The following DIP2A variants were observed in gnomAD, a reference collection of about 807,000 sequenced individuals.
The protein encoded by DIP2A is DIP2 acetate--CoA ligase A, also known as disco-interacting protein 2 homolog A.
DIP2A carries 85 observed loss-of-function variants against 177.4 expected under a neutral mutation model. The ratio of observed to expected loss-of-function variants is 0.48; its 90% CI spans 0.40 to 0.57. The LOEUF (loss-of-function observed/expected upper bound fraction) is 0.57, where lower values mean the gene tolerates loss of function less well. Ranked by LOEUF, DIP2A falls within the 20% of genes least tolerant of loss-of-function variation. The pLI is 0.00. For synonymous variants in DIP2A, 886 were observed against 881.8 expected (o/e 1.00, Z -0.08); for missense variants, 1,791 against 2,100.2 (o/e 0.85, Z 2.88).
At chr21:46,477,573 C>A (rs74677435) in intron 1 of DIP2A, among the ~76,000 whole-genome samples, 3,349 of 77,374 alleles carry the variant, frequency 0.043, 87 homozygotes, top group Middle Eastern at 0.08. Context: ...GTGTGTATTT[C>A]TTTTTTTTTT....
At position 46,560,706 on chromosome 21, in the gene DIP2A, G is replaced by T. The variant is rs1202071153; in HGVS notation, c.3970-16G>T. 2.5e-6 allele frequency: 4 copies of T among 1,602,894 alleles called. No individual in the cohort carries two copies. The highest frequency in any genetic ancestry group is 3.4e-6 in the Non-Finnish European group (4 of 1,175,090). On this transcript the variant is annotated splice_polypyrimidine_tract_variant and intron_variant, in intron 32 of 37. Coordinates refer to ENST00000417564, the MANE Select transcript of DIP2A (RefSeq NM_015151.4). ...GAGGCCCCTGAACAGAAGTTCCTCT[G>T]CTGCTCTCCTTCCAGGGCACAGCTG...
intron 32 of DIP2A, 69 bp downstream of exon 32, chr21:46,558,462 G>C (rs2060550149): frequency 6.7e-7 from 1 of 1,487,922 alleles, no homozygotes; most frequent in South Asian, 1.2e-5. Context: ...TTTCCCAGTT[G>C]TTAATGTGCC....
At chr21:46,558,456 C>A (rs1360734985) in intron 32 of DIP2A, 63 bp downstream of exon 32, 3 of 1,519,888 alleles carry the variant, frequency 2.0e-6, no homozygotes, top group Non-Finnish European at 2.7e-6. Context: ...ACCCAGTTTC[C>A]CAGTTGTTAA....
At chr21:46,525,965 A>G (rs976288301) in intron 8 of DIP2A, among the ~76,000 whole-genome samples, 3 of 150,240 alleles carry the variant, frequency 2.0e-5, no homozygotes, top group African/African-American at 7.3e-5. Context: ...CTGGAGTGCA[A>G]TGGCACAATC....
At chr21:46,488,962 AG>A (rs1200864336) in intron 2 of DIP2A, among the ~76,000 whole-genome samples, 1 of 152,218 alleles carries the variant, frequency 6.6e-6, no homozygotes, top group Non-Finnish European at 1.5e-5. Flanking sequence ...ATCATCCATA[AG>A]GTGTAAGACT....
At chr21:46,522,248 A>T (rs1388535162) in intron 8 of DIP2A, among the ~76,000 whole-genome samples, 2 of 152,220 alleles carry the variant, frequency 1.3e-5, no homozygotes, top group Non-Finnish European at 2.9e-5. Context: ...AAACCAGTTA[A>T]TCAAAGCTCT....
In DIP2A at chr21:46,533,571, C is replaced by A; in HGVS notation, c.1353C>A (p.Val451=). The change falls in exon 11 of 38, where the codon GTC becomes GTA. Residue 451 remains valine, a synonymous_variant. Transcript: ENST00000417564. ...GGTTTCTGCTGGGCAGCTGTGGAGT[C>A]TTCTTGGCCCTGACCACAGACGCTT... The part of the protein sequence containing the change: ...QVGFLLGSCG[V]FLALTTDACQ... 6.2e-7 allele frequency: 1 copy of A among 1,614,030 alleles called. No individual in the cohort carries two copies. Among genetic ancestry groups the A allele is most frequent in the Non-Finnish European group, 8.5e-7 (1 of 1,179,902 alleles).
chr21:46,503,654 T>C (rs2057810636), intron 5 of DIP2A, among the ~76,000 whole-genome samples: 4 of 47,686 alleles, frequency 8.4e-5, no homozygotes, highest in African/African-American at 1.4e-4. Flanking sequence ...TCTTTCTTTT[T>C]CTTTCTTTCT....
At chr21:46,474,155 AG>A (rs1274798895) in intron 1 of DIP2A, among the ~76,000 whole-genome samples, 19 of 152,066 alleles carry the variant, frequency 1.2e-4, no homozygotes, top group Admixed American at 1.2e-3. Context: ...ACAGTAAAGG[AG>A]GGTCTAGGGT....
intron 1 of DIP2A, among the ~76,000 whole-genome samples, chr21:46,465,042 G>C (rs2054689590): frequency 6.6e-6 from 1 of 151,790 alleles, no homozygotes; most frequent in South Asian, 2.1e-4. Context: ...GAATGGTGAG[G>C]ATCTTTATAA....
chr21:46,478,879 C>T (rs1393633143), intron 1 of DIP2A, among the ~76,000 whole-genome samples: 1 of 151,988 alleles, frequency 6.6e-6, no homozygotes, highest in Non-Finnish European at 1.5e-5. Context: ...TTCTTGCTGC[C>T]ATATGTGCCT....
intron 1 of DIP2A, among the ~76,000 whole-genome samples, chr21:46,471,905 A>C (rs1417455123): frequency 6.6e-6 from 1 of 152,246 alleles, no homozygotes; most frequent in Admixed American, 6.5e-5. Context: ...TCATAATTTA[A>C]GAGTACCATT....
chr21:46,519,383 T>C (rs1312474468), intron 8 of DIP2A, among the ~76,000 whole-genome samples: 1 of 152,166 alleles, frequency 6.6e-6, no homozygotes, highest in African/African-American at 2.4e-5. Context: ...TAGCCCCTAT[T>C]CAAGATGGAG....
At chr21:46,518,293 G>A (rs962685763) in intron 8 of DIP2A, among the ~76,000 whole-genome samples, 1 of 152,126 alleles carries the variant, frequency 6.6e-6, no homozygotes, top group Admixed American at 6.5e-5. Flanking sequence ...CTAGGTCTAG[G>A]GTTATGGGCA....
At chr21:46,485,431 C>T (rs959160450) in intron 2 of DIP2A, among the ~76,000 whole-genome samples, 9 of 152,142 alleles carry the variant, frequency 5.9e-5, no homozygotes, top group Admixed American at 2.0e-4. Context: ...CATATGTGTG[C>T]GGACTTTGCA....
chr21:46,552,109 G>A (rs1213042870), intron 25 of DIP2A, among the ~76,000 whole-genome samples: 3 of 152,140 alleles, frequency 2.0e-5, no homozygotes, highest in Admixed American at 1.3e-4. Context: ...TGCGGTTCTC[G>A]CTGCCTGCCC....
At position 46,459,652 on chromosome 21, in the gene DIP2A, G is replaced by A. The variant is rs546517405; in HGVS notation, c.91+430G>A. Among the ~76,000 whole-genome samples the A allele has an allele frequency of 2.1e-4, 31 of 150,258 alleles. 1 individual carries two copies. The South Asian group carries it at 6.4e-3, about 31-fold the overall frequency. ...CCGGACTCCCGACCCTCAGCCCCGGGACACCCGCGCGGCCCCTCAAACCAG... is the reference window on the plus strand; with the variant it reads ...CCGGACTCCCGACCCTCAGCCCCGGAACACCCGCGCGGCCCCTCAAACCAG... On this transcript the variant is annotated intron_variant, in intron 1 of 37. Transcript: ENST00000417564.
chr21:46,560,592 A>AG, intron 32 of DIP2A, 130 bp from the exon 33 acceptor site: 1 of 1,260,780 alleles, frequency 7.9e-7, no homozygotes. Flanking sequence ...GACTCACTGC[A>AG]GGGAGCAGAG....
Position 46,556,961 on chromosome 21 carries a change from C to T in DIP2A, c.3521C>T (p.Ala1174Val), listed in dbSNP as rs2060491927. 1 of 1,590,604 alleles carries T rather than the reference C, an allele frequency of 6.3e-7. No homozygotes were observed. Among genetic ancestry groups the T allele is most frequent in the African/African-American group, 1.3e-5 (1 of 74,506 alleles). The change falls in exon 30 of 38, where the codon GCC becomes GTC. Residue 1174 changes from alanine (A) to valine (V), a missense_variant. Transcript: ENST00000417564. This position sits in a 1 kb window ranked among gnomAD's most constrained non-coding sequence, Gnocchi z 4.5. ...AAGATGTCGCACGCGGCCACAAGCG[C>T]CTTATGCCGCTCCATAAAGCTGCAG... is the stretch of plus-strand genomic sequence containing the variant. ...GVKMSHAATSALCRSIKLQCE... is the reference protein window; with the variant it reads ...GVKMSHAATSVLCRSIKLQCE...
Sources: gnomAD v4.1 joint callset for allele counts (sites outside exome capture counted in the v4.1 genomes callset) on GRCh38, gnomAD v4.1.1 for gene constraint, Gnocchi (gnomAD v3.1) non-coding constraint, MANE v1.5 for transcripts, NCBI Gene and HGNC (gene_info 2026-07-23, HGNC 2026-07-21) for gene names.